GABBR2: variants seen among roughly 807,000 people sequenced by gnomAD.
GABBR2 encodes G-protein coupled receptor 51.
Under a neutral mutation model 105.6 loss-of-function variants are expected in GABBR2, and 23 were observed. That is an observed-to-expected ratio of 0.22 (90% CI 0.16 to 0.31). The LOEUF (loss-of-function observed/expected upper bound fraction) is 0.31, where lower values mean the gene tolerates loss of function less well. Among genes scored for constraint, GABBR2 ranks in the 10% least tolerant of loss-of-function variants. The pLI, the probability that GABBR2 is intolerant of heterozygous loss-of-function variation, is 1.00. For synonymous variants in GABBR2, 478 were observed against 499.7 expected, an observed-to-expected ratio of 0.96 and a Z score of 0.58; for missense variants, 734 against 1,245.5, an observed-to-expected ratio of 0.59 and a Z score of 6.18.
chr9:98,451,424 T>C (rs1018881583), intron 7 of GABBR2, among the ~76,000 whole-genome samples: 1 of 152,188 alleles, frequency 6.6e-6, no homozygotes, highest in African/African-American at 2.4e-5. Context: ...GCCAATACAT[T>C]GTGGGAGTGA....
intron 1 of GABBR2, among the ~76,000 whole-genome samples, chr9:98,636,675 G>A (rs1164901707): frequency 6.6e-6 from 1 of 151,704 alleles, no homozygotes; most frequent in African/African-American, 2.4e-5. Context: ...TTGTATTTTA[G>A]TAGAGATGGG....
intron 8 of GABBR2, among the ~76,000 whole-genome samples, chr9:98,394,968 C>T (rs537034722): frequency 1.2e-4 from 19 of 152,206 alleles, no homozygotes; most frequent in Admixed American, 1.2e-3. Flanking sequence ...AGCATAATCT[C>T]CCACTGCTCT....
chr9:98,373,557 G>A (rs1281258677), intron 11 of GABBR2, among the ~76,000 whole-genome samples: 2 of 152,140 alleles, frequency 1.3e-5, no homozygotes, highest in Admixed American at 6.5e-5. Context: ...CCTAGGAGCC[G>A]GATGTCAAAG....
chr9:98,530,818 A>G (rs1828053895), intron 3 of GABBR2, among the ~76,000 whole-genome samples: 1 of 152,118 alleles, frequency 6.6e-6, no homozygotes, highest in South Asian at 2.1e-4. Flanking sequence ...CATGCTGAAT[A>G]ATTGAACATA....
chr9:98,375,671 C>T (rs1035412068), intron 11 of GABBR2, among the ~76,000 whole-genome samples: 1 of 152,154 alleles, frequency 6.6e-6, no homozygotes, highest in Non-Finnish European at 1.5e-5. Context: ...GCCTCAGCTG[C>T]CCCTTCCACA....
chr9:98,568,504 G>A (rs1041558590), intron 2 of GABBR2, among the ~76,000 whole-genome samples: 1 of 152,216 alleles, frequency 6.6e-6, no homozygotes, highest in African/African-American at 2.4e-5. Context: ...TCAGGGGAAG[G>A]CTGGGGCCTT....
chr9:98,539,790 C>T (rs914974526), intron 3 of GABBR2, among the ~76,000 whole-genome samples: 3 of 151,962 alleles, frequency 2.0e-5, no homozygotes, highest in East Asian at 1.9e-4. Flanking sequence ...GTGGCACGTG[C>T]CTGTAGTCCC....
chr9:98,374,024 A>AT (rs1191523898), intron 11 of GABBR2, among the ~76,000 whole-genome samples: 1 of 151,706 alleles, frequency 6.6e-6, no homozygotes, highest in South Asian at 2.1e-4. Flanking sequence ...TGCCCAGCTA[A>AT]TTTTTTTGAT....
At chr9:98,381,979 G>A (rs948510170) in intron 11 of GABBR2, among the ~76,000 whole-genome samples, 4 of 152,178 alleles carry the variant, frequency 2.6e-5, no homozygotes, top group African/African-American at 7.2e-5. Flanking sequence ...TCAAACTTGA[G>A]AAAGCACCTG....
At chr9:98,297,063 G>T (rs1055533881) in intron 17 of GABBR2, among the ~76,000 whole-genome samples, 1 of 151,974 alleles carries the variant, frequency 6.6e-6, no homozygotes. Context: ...TAATTTTTGT[G>T]TAGGTGTGAG....
intron 1 of GABBR2, among the ~76,000 whole-genome samples, chr9:98,620,563 T>A (rs1829655374): frequency 6.6e-6 from 1 of 152,102 alleles, no homozygotes; most frequent in Non-Finnish European, 1.5e-5. Context: ...CTTGATTTTT[T>A]AAATGGTATT....
At chr9:98,396,915 T>C (rs1405144411) in intron 8 of GABBR2, among the ~76,000 whole-genome samples, 1 of 152,096 alleles carries the variant, frequency 6.6e-6, no homozygotes, top group Non-Finnish European at 1.5e-5. Context: ...CTGGGGGCAA[T>C]GTTGGAGGCT....
At chr9:98,312,456 G>C in intron 13 of GABBR2, among the ~76,000 whole-genome samples, 1 of 152,170 alleles carries the variant, frequency 6.6e-6, no homozygotes, top group East Asian at 1.9e-4. Flanking sequence ...GGACGCGTTG[G>C]CACTCTGTGA....
At chr9:98,539,913 T>TAA (rs746934812) in intron 3 of GABBR2, among the ~76,000 whole-genome samples, 1 of 103,718 alleles carries the variant, frequency 9.6e-6, no homozygotes. Flanking sequence ...AGACTTCGTC[T>TAA]AAAAAAAAAA....
At chr9:98,373,393 C>T (rs573638637) in intron 11 of GABBR2, among the ~76,000 whole-genome samples, 3 of 152,298 alleles carry the variant, frequency 2.0e-5, no homozygotes, top group East Asian at 1.9e-4. Flanking sequence ...TGAGGCCCAG[C>T]GCATTCAAGA....
At chr9:98,650,217 A>T (rs1256051750) in intron 1 of GABBR2, among the ~76,000 whole-genome samples, 1 of 152,174 alleles carries the variant, frequency 6.6e-6, no homozygotes, top group Non-Finnish European at 1.5e-5. Flanking sequence ...CCCTAGCCTG[A>T]GCAGCAGTGT....
At chr9:98,654,707 T>G (rs943682541) in intron 1 of GABBR2, among the ~76,000 whole-genome samples, 1 of 152,078 alleles carries the variant, frequency 6.6e-6, no homozygotes, top group South Asian at 2.1e-4. Context: ...GAGAACTACA[T>G]CATGTGTATG....
chr9:98,618,486 ATCTCTCTC>A (rs10611275), intron 1 of GABBR2, among the ~76,000 whole-genome samples: 10,848 of 144,830 alleles, frequency 0.075, 974 homozygotes, highest in East Asian at 0.45. Context: ...GGTCTGCTGC[ATCTCTCTC>A]TCTCTCTCTC....
chr9:98,605,916 C>T (rs1320851902), intron 1 of GABBR2, among the ~76,000 whole-genome samples: 1 of 151,804 alleles, frequency 6.6e-6, no homozygotes, highest in African/African-American at 2.4e-5. Flanking sequence ...TAATGCTATC[C>T]CTCCCCCGTC....
Sources: gnomAD v4.1 joint callset for allele counts (sites outside exome capture counted in the v4.1 genomes callset) on GRCh38, gnomAD v4.1.1 for gene constraint, MANE v1.5 for transcripts, NCBI Gene and HGNC (gene_info 2026-07-23, HGNC 2026-07-21) for gene names.